TSPAN12: variants seen among roughly 807,000 people sequenced by gnomAD.
TSPAN12 encodes the protein tetraspanin-12.
A neutral mutation model predicts 39.2 loss-of-function variants in TSPAN12; 19 were observed. The ratio of observed to expected loss-of-function variants is 0.49; its 90% CI spans 0.34 to 0.71. TSPAN12 has a LOEUF of 0.71. TSPAN12 is among the 30% of genes least tolerant of loss of function. The pLI, the probability that TSPAN12 is intolerant of heterozygous loss-of-function variation, is 0.01. For missense variants in TSPAN12, 314 were observed against 359.9 expected (o/e 0.87, Z 1.03); for synonymous variants, 119 against 124.8 (o/e 0.95, Z 0.31).
In TSPAN12 at chr7:120,857,936, G is replaced by A; in HGVS notation, c.-187C>T. 1 of 153,088 alleles carries A rather than the reference G, an allele frequency of 6.5e-6. No individual in the cohort carries two copies. Among genetic ancestry groups the A allele is most frequent in the Non-Finnish European group, 1.5e-5 (1 of 68,726 alleles). 9.5% of individuals were successfully genotyped at this position (153,088 alleles called of 1,614,324 possible). A position where few individuals can be genotyped will look rare whatever the true frequency, so the allele number is the denominator to read the frequency against. ...GAGCCGGAGGGCTGCATTGGCTTCA[G>A]CTGGAGACGCTTCTTTCTCTTCCTC... On this transcript the variant is annotated 5_prime_UTR_variant, in exon 1 of 8. Coordinates refer to ENST00000222747, the MANE Select transcript of TSPAN12 (RefSeq NM_012338.4).
In TSPAN12 at chr7:120,788,882, T is replaced by C; in HGVS notation, c.628A>G (p.Met210Val). 3 of 1,614,092 alleles carry C rather than the reference T, an allele frequency of 1.9e-6. No individual in the cohort carries two copies. Among genetic ancestry groups the C allele is most frequent in the Non-Finnish European group, 2.5e-6 (3 of 1,179,994 alleles). The change falls in exon 8 of 8, where the codon ATG (methionine) becomes GTG (valine). Residue 210 changes from methionine to valine, a missense_variant. Transcript: ENST00000222747. ...DLYQEGCGKK[M>V]YSFLRGTKQL... is the part of the protein sequence containing the mutation. Reference sequence around the variant, plus strand: ...TTGGTTCCTCTCAAAAAGGAATACATTTTCTTCCCACAACCCTGTAAAAGA... The same window carrying C: ...TTGGTTCCTCTCAAAAAGGAATACACTTTCTTCCCACAACCCTGTAAAAGA...
intron 4 of TSPAN12, among the ~76,000 whole-genome samples, chr7:120,826,548 T>A (rs77294945): frequency 6.6e-6 from 1 of 152,092 alleles, no homozygotes; most frequent in Non-Finnish European, 1.5e-5. Context: ...CCAAAACCCA[T>A]ACATGAACAT....
intron 2 of TSPAN12, among the ~76,000 whole-genome samples, chr7:120,841,774 T>C (rs890143095): frequency 3.3e-5 from 5 of 152,124 alleles, no homozygotes; most frequent in African/African-American, 4.8e-5. Flanking sequence ...CCATGACCGG[T>C]AGAAGTTAGG....
At chr7:120,822,567 CA>C (rs937224464) in intron 4 of TSPAN12, among the ~76,000 whole-genome samples, 6 of 152,124 alleles carry the variant, frequency 3.9e-5, no homozygotes, top group Admixed American at 2.6e-4. Context: ...AGCAGTCCCC[CA>C]AAAGCTGAAT....
intron 6 of TSPAN12, 118 bp from the exon 7 acceptor site, chr7:120,806,810 A>G (rs1793884041): frequency 9.1e-6 from 11 of 1,212,354 alleles, no homozygotes; most frequent in African/African-American, 1.5e-5. Context: ...GTCATCACCT[A>G]ATGATATATG....
In TSPAN12 at chr7:120,838,759, G is replaced by T. The variant is rs776633275; in HGVS notation, c.285+18C>A. 5 of 1,611,378 alleles carry T rather than the reference G, an allele frequency of 3.1e-6. No homozygotes were observed. Among genetic ancestry groups the T allele is most frequent in the Non-Finnish European group, 4.2e-6 (5 of 1,178,232 alleles). On this transcript the variant is annotated intron_variant, in intron 4 of 7. Transcript: ENST00000222747. ...TTAATCTTTTTAACTATAATAAAGA[G>T]AAAATATAACATCATACCCATGCAA...
intron 5 of TSPAN12, 48 bp downstream of exon 5, chr7:120,815,681 A>G: frequency 6.6e-7 from 1 of 1,518,432 alleles, no homozygotes. Context: ...CTAATTTAAA[A>G]GGCTGAACTG....
chr7:120,793,587 T>C (rs1227076319), intron 7 of TSPAN12, among the ~76,000 whole-genome samples: 1 of 152,226 alleles, frequency 6.6e-6, no homozygotes, highest in Non-Finnish European at 1.5e-5. Flanking sequence ...AGTCCTCAAA[T>C]TTGTCATCAG....
intron 6 of TSPAN12, among the ~76,000 whole-genome samples, chr7:120,808,283 A>C (rs1793913460): frequency 6.6e-6 from 1 of 152,182 alleles, no homozygotes; most frequent in African/African-American, 2.4e-5. Flanking sequence ...TACGATGCTC[A>C]GTGCTGAACT....
In TSPAN12 at chr7:120,788,903, A is replaced by C. The variant is rs1562934517; in HGVS notation, c.613-6T>G. On this transcript the variant is annotated splice_polypyrimidine_tract_variant and splice_region_variant and intron_variant, in intron 7 of 7. Coordinates refer to ENST00000222747, the MANE Select transcript of TSPAN12 (RefSeq NM_012338.4). The stretch of plus-strand genomic sequence containing the variant: ...TACATTTTCTTCCCACAACCCTGTA[A>C]AAGAAATACATGGTCAACATTACTT... 2 of 1,613,914 alleles carry C rather than the reference A, an allele frequency of 1.2e-6. No homozygotes were observed. The highest frequency in any genetic ancestry group is 1.7e-6 in the Non-Finnish European group (2 of 1,179,944).
At chr7:120,843,937 A>C (rs1458439875) in intron 2 of TSPAN12, among the ~76,000 whole-genome samples, 3 of 152,146 alleles carry the variant, frequency 2.0e-5, no homozygotes, top group African/African-American at 7.2e-5. Context: ...ACACTGTTAT[A>C]AATACCTGAA....
intron 7 of TSPAN12, among the ~76,000 whole-genome samples, chr7:120,801,082 G>A (rs1013651623): frequency 7.9e-5 from 12 of 152,062 alleles, no homozygotes; most frequent in African/African-American, 2.4e-4. Flanking sequence ...CACTGTAACC[G>A]GCTCCTTATC....
chr7:120,818,530 A>G (rs1355085870), intron 4 of TSPAN12, among the ~76,000 whole-genome samples: 1 of 152,106 alleles, frequency 6.6e-6, no homozygotes, highest in East Asian at 1.9e-4. Flanking sequence ...GGAGTATAAG[A>G]TATAGAAAAT....
Position 120,849,818 on chromosome 7 carries a change from C to T in TSPAN12, c.66+6880G>A, listed in dbSNP as rs181369848. On this transcript the variant is annotated intron_variant, in intron 2 of 7. Transcript: ENST00000222747. ...GCTCATTGCACCTGGAACTCCTGGG[C>T]TCAACTGATCCTCCTGCCTTGGCCT... Among the ~76,000 whole-genome samples the T allele has an allele frequency of 1.4e-3, 217 of 152,332 alleles. 1 individual carries two copies. The highest frequency in any genetic ancestry group is 2.2e-4 in the Non-Finnish European group (15 of 68,040).
intron 6 of TSPAN12, among the ~76,000 whole-genome samples, chr7:120,809,919 T>C (rs544129057): frequency 6.6e-6 from 1 of 152,280 alleles, no homozygotes; most frequent in African/African-American, 2.4e-5. Flanking sequence ...ATTTTTATTA[T>C]CACTATTTTA....
chr7:120,804,357 A>T (rs189391748), intron 7 of TSPAN12, among the ~76,000 whole-genome samples: 66 of 152,238 alleles, frequency 4.3e-4, no homozygotes, highest in African/African-American at 1.3e-3. Flanking sequence ...TTATTAGTTG[A>T]TGATTCCTAC....
At chr7:120,819,107 A>G (rs1262987019) in intron 4 of TSPAN12, among the ~76,000 whole-genome samples, 4 of 152,080 alleles carry the variant, frequency 2.6e-5, no homozygotes, top group Non-Finnish European at 5.9e-5. Context: ...TTGCTCTCTC[A>G]GATTCTTAAC....
chr7:120,824,695 A>G (rs1794252434), intron 4 of TSPAN12, among the ~76,000 whole-genome samples: 1 of 152,202 alleles, frequency 6.6e-6, no homozygotes, highest in South Asian at 2.1e-4. Context: ...CTAAAAAGAC[A>G]ATATTTGCTT....
intron 2 of TSPAN12, among the ~76,000 whole-genome samples, chr7:120,850,223 T>C (rs1794744978): frequency 1.3e-5 from 2 of 152,226 alleles, no homozygotes; most frequent in Admixed American, 1.3e-4. Flanking sequence ...TTCTGACCGA[T>C]AGTTTTTCTA....
Sources: allele counts gnomAD v4.1 joint callset (sites outside exome capture counted in the v4.1 genomes callset), GRCh38; gene constraint gnomAD v4.1.1; transcripts MANE v1.5; gene names NCBI Gene and HGNC (gene_info 2026-07-23, HGNC 2026-07-21).